PADI4: variants seen among roughly 807,000 people sequenced by gnomAD.
PADI4 encodes peptidyl arginine deiminase 4.
Under a neutral mutation model 75.0 loss-of-function variants are expected in PADI4, and 62 were observed. The ratio of observed to expected loss-of-function variants is 0.83; its 90% CI spans 0.67 to 1.02. The LOEUF is 1.02. Ranked by LOEUF, PADI4 falls within the 50% of genes least tolerant of loss-of-function variation. The pLI, the probability that PADI4 is intolerant of heterozygous loss-of-function variation, is 0.00. For synonymous variants in PADI4, 361 were observed against 348.1 expected (o/e 1.04, Z -0.41); for missense variants, 845 against 850.5 (o/e 0.99, Z 0.08).
rs529233836 is a variant in PADI4 at position 17,341,001 on chromosome 1, AG to A, written c.653-940del. The stretch of plus-strand genomic sequence containing the variant: ...TTTTTAGTAGAGATGGGATTTCACC[AG>A]GTTGGCCAGACAGGTCTCGAACTCC... On this transcript the variant is annotated intron_variant, in intron 6 of 15. Coordinates refer to ENST00000375448, the MANE Select transcript of PADI4 (RefSeq NM_012387.3). Among the ~76,000 whole-genome samples the A allele has an allele frequency of 7.7e-3, 1,173 of 151,454 alleles. 5 individuals carry two copies. The highest frequency in any genetic ancestry group is 0.012 in the Non-Finnish European group (841 of 67,888).
chr1:17,309,438 C>T (rs980977205), intron 1 of PADI4, among the ~76,000 whole-genome samples: 2 of 152,098 alleles, frequency 1.3e-5, no homozygotes, highest in Admixed American at 1.3e-4. Context: ...CAGATCTACC[C>T]CCGCCCCATG....
At chr1:17,359,969 G>C (rs1308504777) in intron 15 of PADI4, among the ~76,000 whole-genome samples, 2 of 152,172 alleles carry the variant, frequency 1.3e-5, no homozygotes, top group African/African-American at 4.8e-5. Context: ...CTAATCACTA[G>C]TGACAGCAAG....
At chr1:17,322,914 C>T (rs1374128918) in intron 1 of PADI4, among the ~76,000 whole-genome samples, 2 of 152,008 alleles carry the variant, frequency 1.3e-5, no homozygotes, top group African/African-American at 4.8e-5. Context: ...AACAAATTGT[C>T]CCAAAACTTA....
At chr1:17,359,793 C>T (rs1267106720) in intron 15 of PADI4, among the ~76,000 whole-genome samples, 1 of 152,122 alleles carries the variant, frequency 6.6e-6, no homozygotes. Context: ...CCAAACAAAG[C>T]AATATTTAAC....
chr1:17,311,968 A>G (rs1485907202), intron 1 of PADI4, among the ~76,000 whole-genome samples: 1 of 152,186 alleles, frequency 6.6e-6, no homozygotes, highest in Non-Finnish European at 1.5e-5. Context: ...GAATTATATA[A>G]TGCACACAAA....
At chr1:17,348,254 C>T (rs898036569) in intron 10 of PADI4, 5 of 447,964 alleles carry the variant, frequency 1.1e-5, no homozygotes, top group African/African-American at 4.0e-5. Flanking sequence ...TTTCCCAAAA[C>T]CCTTGTCACC....
chr1:17,361,625 G>T (rs1339975575), intron 15 of PADI4, among the ~76,000 whole-genome samples: 1 of 152,214 alleles, frequency 6.6e-6, no homozygotes, highest in Non-Finnish European at 1.5e-5. Flanking sequence ...AATTGTCATT[G>T]CAACGGAGAT....
intron 9 of PADI4, among the ~76,000 whole-genome samples, chr1:17,347,674 C>G (rs1204400482): frequency 1.3e-5 from 2 of 152,084 alleles, no homozygotes; most frequent in African/African-American, 4.8e-5. Flanking sequence ...CAGTTTTGCT[C>G]ACCAGGGGTC....
chr1:17,309,741 G>T (rs1312144229), intron 1 of PADI4, among the ~76,000 whole-genome samples: 2 of 152,218 alleles, frequency 1.3e-5, no homozygotes, highest in Non-Finnish European at 2.9e-5. Context: ...TGTCGGGATG[G>T]TCTCCCAGGG....
At chr1:17,340,884 T>G (rs2074406620) in intron 6 of PADI4, among the ~76,000 whole-genome samples, 3 of 148,186 alleles carry the variant, frequency 2.0e-5, no homozygotes, top group Admixed American at 1.4e-4. Flanking sequence ...CACTGCAGCC[T>G]CCACCTCCTG....
chr1:17,362,351 C>CAAAAAAA, intron 15 of PADI4, among the ~76,000 whole-genome samples: 1 of 107,332 alleles, frequency 9.3e-6, no homozygotes, highest in Non-Finnish European at 1.9e-5. Flanking sequence ...GACCCTGTCT[C>CAAAAAAA]AAAAAAAAAA....
In PADI4 at chr1:17,356,135, C is replaced by A; in HGVS notation, c.1455+8C>A. The A allele has an allele frequency of 6.2e-7, 1 of 1,613,206 alleles. No homozygotes were observed. Among genetic ancestry groups the A allele is most frequent in the East Asian group, 2.2e-5 (1 of 44,852 alleles). The stretch of plus-strand genomic sequence containing the variant: ...CCAGCACCCGACAGGAAGGTACAGT[C>A]TTGGGGGCTGCCTCAGGAAGCCATG... On this transcript the variant is annotated splice_region_variant and intron_variant, in intron 12 of 15. Coordinates refer to ENST00000375448, the MANE Select transcript of PADI4 (RefSeq NM_012387.3). The surrounding 1 kb of genome is among the most constrained non-coding windows in gnomAD (Gnocchi z 4.1).
chr1:17,321,534 C>G (rs2074032627), intron 1 of PADI4, among the ~76,000 whole-genome samples: 1 of 152,210 alleles, frequency 6.6e-6, no homozygotes, highest in Non-Finnish European at 1.5e-5. Flanking sequence ...GTGCCTGGAG[C>G]AGAGTAAATT....
rs1228562053 is a variant in PADI4 at position 17,321,481 on chromosome 1, T to C, written c.93-9488T>C. On this transcript the variant is annotated intron_variant, in intron 1 of 15. Transcript: ENST00000375448. The stretch of plus-strand genomic sequence containing the variant: ...GAACAGTACCCGCCTTACAGGCTAG[T>C]GGTGAGAACCGAATTAATTAACGTG... Among the ~76,000 whole-genome samples the C allele has an allele frequency of 1.3e-5, 2 of 152,276 alleles. 1 individual carries two copies.
chr1:17,338,158 A>G lies in PADI4; in HGVS notation c.526+3A>G. 2 of 1,587,426 alleles carry G rather than the reference A, an allele frequency of 1.3e-6. No homozygotes were observed. Among genetic ancestry groups the G allele is most frequent in the South Asian group, 2.2e-5 (2 of 90,544 alleles). ...TGATGAAGTGCTTGACAGCGAAGGTAAAGAGCATTTGCTAGCTAACGGGAA... is the reference window on the plus strand; with the variant it reads ...TGATGAAGTGCTTGACAGCGAAGGTGAAGAGCATTTGCTAGCTAACGGGAA... On this transcript the variant is annotated splice_donor_region_variant and intron_variant, in intron 5 of 15. Coordinates refer to ENST00000375448, the MANE Select transcript of PADI4 (RefSeq NM_012387.3).
rs141113951 is a variant in PADI4, at chr1:17,333,968, A to G, written c.299A>G (p.Lys100Arg). 136 of 1,612,972 alleles carry G rather than the reference A, an allele frequency of 8.4e-5. No homozygotes were observed. Among genetic ancestry groups the G allele is most frequent in the Non-Finnish European group, 1.1e-4 (130 of 1,179,046 alleles). ...GTTCAGATTTCATACTACGGACCCA[A>G]GACTCCACCAGTCAAAGCTCTACTC... ...QKVQISYYGPKTPPVKALLYL... is the reference protein window; with the variant it reads ...QKVQISYYGPRTPPVKALLYL... The change falls in exon 3 of 16, where the codon AAG becomes AGG. Residue 100 changes from lysine (K) to arginine (R), a missense_variant. Lys to Arg is a conservative substitution (Grantham distance 26). Transcript: ENST00000375448.
intron 1 of PADI4, among the ~76,000 whole-genome samples, chr1:17,314,898 T>A (rs2073905374): frequency 6.6e-6 from 1 of 152,176 alleles, no homozygotes; most frequent in African/African-American, 2.4e-5. Context: ...GTAGACAGAC[T>A]GGCCTGCTGT....
Position 17,339,831 on chromosome 1 carries a change from T to G in PADI4, c.652+18T>G, listed in dbSNP as rs1635576. On this transcript the variant is annotated intron_variant, in intron 6 of 15. Transcript: ENST00000375448. ...GGCCACACGTAAGTCATCCCCATCT[T>G]TGTTCCCCTCCTGCCCTGGCCAACG... 0.092 allele frequency: 146,527 copies of G among 1,586,482 alleles called. 7,207 individuals carry two copies. Among genetic ancestry groups the G allele is most frequent in the African/African-American group, 0.13 (9,427 of 74,380 alleles).
intron 10 of PADI4, among the ~76,000 whole-genome samples, chr1:17,349,139 A>G (rs2074575209): frequency 6.6e-6 from 1 of 152,186 alleles, no homozygotes; most frequent in African/African-American, 2.4e-5. Flanking sequence ...GGTCGAGTTC[A>G]TCCTGTTTCA....
Sources: allele counts gnomAD v4.1 joint callset (sites outside exome capture counted in the v4.1 genomes callset), GRCh38; gene constraint gnomAD v4.1.1; non-coding constraint Gnocchi (gnomAD v3.1); transcripts MANE v1.5; gene names NCBI Gene and HGNC (gene_info 2026-07-23, HGNC 2026-07-21).